The following ANKRD24 variants were observed in gnomAD, a reference collection of about 807,000 sequenced individuals.
ANKRD24 encodes the protein ankyrin repeat domain 24, also known as ankyrin repeat domain-containing protein 24.
Under a neutral mutation model 127.8 loss-of-function variants are expected in ANKRD24, and 109 were observed. That is an observed-to-expected ratio of 0.85 (90% CI 0.73 to 1.00). The LOEUF (loss-of-function observed/expected upper bound fraction) is 1.00. Ranked by LOEUF, ANKRD24 falls within the 50% of genes least tolerant of loss-of-function variation. The pLI is 0.00. For synonymous variants in ANKRD24, 743 were observed against 671.1 expected (o/e 1.11, Z -1.66); for missense variants, 1,648 against 1,570.2 (o/e 1.05, Z -0.84).
chr19:4,193,381 T>C (rs560659683), intron 2 of ANKRD24, among the ~76,000 whole-genome samples: 1 of 149,670 alleles, frequency 6.7e-6, no homozygotes, highest in East Asian at 2.0e-4. Context: ...GGAAGAGGCA[T>C]CTCCAAGAGT....
intron 7 of ANKRD24, among the ~76,000 whole-genome samples, chr19:4,204,187 G>T (rs532111310): frequency 2.1e-5 from 3 of 145,900 alleles, no homozygotes; most frequent in African/African-American, 7.6e-5. Flanking sequence ...GGATGGTCTT[G>T]ATCTCCTGAC....
In ANKRD24 at chr19:4,218,078, C is replaced by T. The variant is rs779414185; in HGVS notation, c.2918C>T (p.Thr973Ile). Residue 973 changes from threonine (T) to isoleucine (I), a missense_variant, in exon 18 of 22, where the codon ACC (threonine) becomes ATC (isoleucine). Coordinates refer to ENST00000318934, the MANE Select transcript of ANKRD24 (RefSeq NM_001393985.1). Reference protein sequence around the residue: ...ALSEHERIVGTLQANVAQLEG... With the variant: ...ALSEHERIVGILQANVAQLEG... ...TCGGAGCACGAACGCATCGTGGGCA[C>T]CCTGCAGGCCAACGTGGCCCAGCTG... 2 of 1,552,084 alleles carry T rather than the reference C, an allele frequency of 1.3e-6. No homozygotes were observed. The highest frequency in any genetic ancestry group is 8.7e-7 in the Non-Finnish European group (1 of 1,152,202).
At chr19:4,201,856 C>T (rs1969111350) in intron 5 of ANKRD24, among the ~76,000 whole-genome samples, 170 bp from the exon 6 acceptor site, 1 of 152,108 alleles carries the variant, frequency 6.6e-6, no homozygotes, top group Non-Finnish European at 1.5e-5. Flanking sequence ...TGCACTCTAG[C>T]CTGGGCCACA....
At position 4,212,545 on chromosome 19, in the gene ANKRD24, C is replaced by T; in HGVS notation, c.1098+32C>T. 2 of 1,549,576 alleles carry T rather than the reference C, an allele frequency of 1.3e-6. 1 individual carries two copies. Among genetic ancestry groups the T allele is most frequent in the South Asian group, 2.4e-5 (2 of 83,782 alleles). ...GGGAAGGTGGGGAGGAGCCGGTCCT[C>T]CTGCTGCCCAGCCTTTCCTCCCAGA... On this transcript the variant is annotated intron_variant, in intron 14 of 21. Coordinates refer to ENST00000318934, the MANE Select transcript of ANKRD24 (RefSeq NM_001393985.1).
intron 6 of ANKRD24, 85 bp downstream of exon 6, chr19:4,202,175 T>C (rs1969131358): frequency 1.6e-6 from 2 of 1,282,390 alleles, no homozygotes; most frequent in East Asian, 2.3e-5. Context: ...AGATGCTCTA[T>C]GAATCCTAGA....
chr19:4,217,991 G>A lies in ANKRD24; in HGVS notation c.2831G>A (p.Gly944Asp). Reference sequence around the variant, plus strand: ...CTGGAGCAGGAGGTGGTGGCCACGGGCAAGGAGGCCGCCCGGCTGCGCGCG... The same window carrying A: ...CTGGAGCAGGAGGTGGTGGCCACGGACAAGGAGGCCGCCCGGCTGCGCGCG... ...ASLEQEVVAT[G>D]KEAARLRAEL... Residue 944 changes from glycine (G) to aspartate (D), a missense_variant, in exon 18 of 22, where the codon GGC becomes GAC. By Grantham distance (94) the Gly-to-Asp change is moderately conservative (BLOSUM62 -1). Coordinates refer to ENST00000318934, the MANE Select transcript of ANKRD24 (RefSeq NM_001393985.1). The A allele has an allele frequency of 6.5e-7, 1 of 1,529,166 alleles. No individual in the cohort carries two copies. The highest frequency in any genetic ancestry group is 8.7e-7 in the Non-Finnish European group (1 of 1,145,778). The allele number at this position is 1,529,166 out of a possible 1,614,324, so 94.7% of individuals were successfully genotyped here.
chr19:4,213,473 T>A (rs1215826528), intron 15 of ANKRD24, among the ~76,000 whole-genome samples: 9 of 145,906 alleles, frequency 6.2e-5, no homozygotes, highest in Non-Finnish European at 1.1e-4. Context: ...TTTTTTTTTT[T>A]TGGACAGAGT....
At position 4,217,686 on chromosome 19, in the gene ANKRD24, G is replaced by A. The variant is rs1387409882; in HGVS notation, c.2526G>A (p.Ala842=). 45 of 1,286,564 alleles carry A rather than the reference G, an allele frequency of 3.5e-5. No individual in the cohort carries two copies. Among genetic ancestry groups the A allele is most frequent in the African/African-American group, 4.7e-5 (3 of 63,646 alleles). The allele number at this position is 1,286,564 out of a possible 1,614,324, so 79.7% of individuals were successfully genotyped here. The change falls in exon 18 of 22, where the codon GCG becomes GCA. Residue 842 remains alanine (A), a synonymous_variant. Coordinates refer to ENST00000318934, the MANE Select transcript of ANKRD24 (RefSeq NM_001393985.1). ...LRAELAQREE[A]RLEQSRELEV... ...CCGAGCTGGCCCAGCGGGAGGAGGCGCGGCTGGAGCAGAGCCGGGAGCTGG... is the reference window on the plus strand; with the variant it reads ...CCGAGCTGGCCCAGCGGGAGGAGGCACGGCTGGAGCAGAGCCGGGAGCTGG...
Position 4,198,175 on chromosome 19 carries a change from GC to G in ANKRD24, c.37-1503del. 41 of 567,300 alleles carry G rather than the reference GC, an allele frequency of 7.2e-5. No individual in the cohort carries two copies. Among genetic ancestry groups the G allele is most frequent in the Admixed American group, 1.9e-4 (6 of 30,804 alleles). 35.1% of individuals were successfully genotyped at this position (567,300 alleles called of 1,614,324 possible). ...CGGCCTGCGCTGGTGAGGGAGCCGG[GC>G]CCCCGGCGCCGCGTCCTCCTCATCC... On this transcript the variant is annotated intron_variant, in intron 2 of 21. Transcript: ENST00000318934. This position sits in a 1 kb window ranked among gnomAD's most constrained non-coding sequence, Gnocchi z 6.1.
intron 13 of ANKRD24, among the ~76,000 whole-genome samples, chr19:4,211,413 C>T (rs1969731113): frequency 6.6e-6 from 1 of 151,662 alleles, no homozygotes; most frequent in Non-Finnish European, 1.5e-5. Flanking sequence ...TTGAGGTGGG[C>T]AGATCACTTG....
intron 2 of ANKRD24, among the ~76,000 whole-genome samples, chr19:4,196,081 C>T (rs920262355): frequency 3.9e-5 from 6 of 152,132 alleles, no homozygotes; most frequent in Admixed American, 6.5e-5. Context: ...AGGGATGCTG[C>T]TCGGCACCCT....
chr19:4,186,143 G>A, intron 1 of ANKRD24: 1 of 786,004 alleles, frequency 1.3e-6, no homozygotes, highest in Non-Finnish European at 1.8e-6. Context: ...GCTGAAAACT[G>A]ACCATGAGTT....
At chr19:4,212,794 C>A in intron 15 of ANKRD24, 96 bp downstream of exon 15, 4 of 1,157,558 alleles carry the variant, frequency 3.5e-6, no homozygotes, top group Non-Finnish European at 3.7e-6. Flanking sequence ...GCATGCACAG[C>A]CTCACACACG....
rs1255484094 is a variant in ANKRD24 at position 4,187,614 on chromosome 19, T to TC, written c.36+1156dup. On this transcript the variant is annotated intron_variant, in intron 2 of 21. Coordinates refer to ENST00000318934, the MANE Select transcript of ANKRD24 (RefSeq NM_001393985.1). ...CCCCATTCTTCTCAGCCCCCTCAAG[T>TC]CCCTGTGGCGGCCAATTCAGGGCAC... 1.0e-3 allele frequency among the ~76,000 whole-genome samples: 157 copies of TC among 152,178 alleles called. No homozygotes were observed. In the Middle Eastern group the frequency reaches 0.014, roughly 13 times the overall value.
intron 11 of ANKRD24, 58 bp from the exon 12 acceptor site, chr19:4,210,000 G>T: frequency 9.5e-7 from 1 of 1,050,552 alleles, no homozygotes; most frequent in Non-Finnish European, 1.4e-6. Context: ...TTACTGTGGG[G>T]GAGGCTGGCA....
At chr19:4,201,869 G>A (rs1969112566) in intron 5 of ANKRD24, among the ~76,000 whole-genome samples, 157 bp from the exon 6 acceptor site, 2 of 152,040 alleles carry the variant, frequency 1.3e-5, no homozygotes, top group South Asian at 2.1e-4. Context: ...GGGCCACAGA[G>A]CAAGATCCTT....
At chr19:4,219,316 C>A (rs60088584) in intron 18 of ANKRD24, among the ~76,000 whole-genome samples, 11,663 of 151,516 alleles carry the variant, frequency 0.077, 1,314 homozygotes, top group African/African-American at 0.25. Context: ...CAAAAACAAG[C>A]AAATAGTAGC....
At chr19:4,219,903 AC>A (rs1251566292) in intron 19 of ANKRD24, 145 bp downstream of exon 19, 38 of 964,328 alleles carry the variant, frequency 3.9e-5, no homozygotes, top group Admixed American at 1.2e-4. Flanking sequence ...ACGGAAGGGG[AC>A]CTGGTTACAG....
intron 15 of ANKRD24, among the ~76,000 whole-genome samples, chr19:4,214,669 C>T (rs1235346019): frequency 6.6e-6 from 1 of 152,018 alleles, no homozygotes; most frequent in Non-Finnish European, 1.5e-5. Context: ...GCCTGGCCAA[C>T]ATGGGGAAAC....
Sources: gnomAD v4.1 joint callset for allele counts (sites outside exome capture counted in the v4.1 genomes callset) on GRCh38, gnomAD v4.1.1 for gene constraint, Gnocchi (gnomAD v3.1) non-coding constraint, MANE v1.5 for transcripts, NCBI Gene and HGNC (gene_info 2026-07-23, HGNC 2026-07-21) for gene names.